The following IL16 variants were observed in gnomAD, a reference collection of about 807,000 sequenced individuals.
IL16 encodes interleukin 16, also known as pro-interleukin-16.
In IL16, 67 loss-of-function variants were observed where a neutral mutation model predicts 110.1. The observed-to-expected ratio is 0.61, with a 90% confidence interval of 0.50 to 0.75. IL16 has a LOEUF of 0.75. IL16 is among the 30% of genes least tolerant of loss of function. The probability of loss-of-function intolerance (pLI) is 0.00; values close to 1 mark genes in which losing one functional copy is unlikely to be tolerated. For synonymous variants in IL16, 689 were observed against 662.9 expected (o/e 1.04, Z -0.61); for missense variants, 1,545 against 1,655.0 (o/e 0.93, Z 1.15).
intron 12 of IL16, among the ~76,000 whole-genome samples, chr15:81,295,918 A>C (rs545715649): frequency 1.3e-5 from 2 of 152,166 alleles, no homozygotes; most frequent in Non-Finnish European, 1.5e-5. Flanking sequence ...AGCCATGTCA[A>C]ATGGCCCATC....
upstream of IL16, among the ~76,000 whole-genome samples, chr15:81,196,527 G>A (rs952161179): frequency 3.9e-5 from 6 of 152,214 alleles, no homozygotes; most frequent in East Asian, 3.8e-4. Flanking sequence ...TTATAGGCAC[G>A]TGCCACAGCT....
intron 4 of IL16, among the ~76,000 whole-genome samples, chr15:81,268,542 C>T (rs1898493812): frequency 6.6e-6 from 1 of 152,270 alleles, no homozygotes; most frequent in Non-Finnish European, 1.5e-5. Flanking sequence ...CAGCATGGGC[C>T]TGGGAGTCAG....
chr15:81,204,471 G>C (rs962940870), intron 1 of IL16, among the ~76,000 whole-genome samples: 22 of 151,966 alleles, frequency 1.4e-4, no homozygotes, highest in Non-Finnish European at 2.5e-4. Context: ...GTCATAGATA[G>C]CTCTTATTAT....
intron 2 of IL16, among the ~76,000 whole-genome samples, chr15:81,232,434 A>G (rs1447384336): frequency 1.3e-5 from 2 of 152,064 alleles, no homozygotes; most frequent in Non-Finnish European, 2.9e-5. Context: ...GGAAAGTTTC[A>G]TTATTATTAT....
chr15:81,232,232 G>C (rs1897032198), intron 2 of IL16, among the ~76,000 whole-genome samples: 1 of 151,782 alleles, frequency 6.6e-6, no homozygotes, highest in Non-Finnish European at 1.5e-5. Flanking sequence ...TTTGATTGGA[G>C]ATTTTTGTTG....
In IL16 at chr15:81,259,773, A is replaced by T; in HGVS notation, c.314A>T (p.Glu105Val). Residue 105 changes from glutamate (E) to valine (V), a missense_variant and splice_region_variant, in exon 3 of 19, where the codon GAA becomes GTA. Around this residue, in one of 3 missense-constraint regions of IL16, gnomAD observed 1,185 missense variants for 1,238.8 expected, o/e 0.96. Coordinates refer to ENST00000683961, the MANE Select transcript of IL16 (RefSeq NM_172217.5). ...KTCRRIFFMK[E>V]SSTASSREKP... ...AAAAAGACGGCAATTGTTTTGCAGG[A>T]ATCTTCCACAGCTTCCTCTCGAGAA... 6.2e-7 allele frequency: 1 copy of T among 1,608,834 alleles called. No individual in the cohort carries two copies. Among genetic ancestry groups the T allele is most frequent in the Non-Finnish European group, 8.5e-7 (1 of 1,175,420 alleles).
intron 13 of IL16, among the ~76,000 whole-genome samples, chr15:81,298,110 C>G (rs3902668): frequency 6.6e-6 from 1 of 152,214 alleles, no homozygotes; most frequent in Non-Finnish European, 1.5e-5. Context: ...CCTGTGGAAC[C>G]TCTGCCTCCT....
At chr15:81,216,965 C>T (rs1415024172) in intron 1 of IL16, among the ~76,000 whole-genome samples, 1 of 151,962 alleles carries the variant, frequency 6.6e-6, no homozygotes, top group Admixed American at 6.6e-5. Flanking sequence ...ACATGATATG[C>T]TATCATTTCT....
intron 1 of IL16, among the ~76,000 whole-genome samples, chr15:81,223,801 C>T (rs764171647): frequency 6.6e-6 from 1 of 152,228 alleles, no homozygotes; most frequent in African/African-American, 2.4e-5. Context: ...TGATACCAAT[C>T]TGTTCAGGAG....
At chr15:81,219,769 C>G (rs1490425416) in intron 1 of IL16, among the ~76,000 whole-genome samples, 1 of 152,108 alleles carries the variant, frequency 6.6e-6, no homozygotes, top group African/African-American at 2.4e-5. Context: ...ATTCTGTGGT[C>G]CTAGCTGAGA....
At chr15:81,231,950 T>G (rs918705609) in intron 2 of IL16, among the ~76,000 whole-genome samples, 36 of 152,056 alleles carry the variant, frequency 2.4e-4, no homozygotes, top group Non-Finnish European at 4.1e-4. Context: ...TATTAGTCTT[T>G]TATTTTTCCT....
intron 5 of IL16, among the ~76,000 whole-genome samples, chr15:81,270,115 T>C (rs1438319801): frequency 6.6e-6 from 1 of 152,260 alleles, no homozygotes; most frequent in East Asian, 1.9e-4. Context: ...TGCTTTTGGC[T>C]GTCAATTGTA....
At chr15:81,195,521 G>T (rs1208043910), upstream of IL16, among the ~76,000 whole-genome samples, 1 of 152,166 alleles carries the variant, frequency 6.6e-6, no homozygotes, top group East Asian at 1.9e-4. Context: ...TGTCCCCTGT[G>T]CCTGCTGACA....
intron 1 of IL16, among the ~76,000 whole-genome samples, chr15:81,211,051 T>C (rs1896221807): frequency 6.6e-6 from 1 of 151,884 alleles, no homozygotes; most frequent in African/African-American, 2.4e-5. Context: ...TTTTTGGGTT[T>C]TTTGTTTGTT....
chr15:81,216,646 T>TAGCAGCAGC (rs6145652), intron 1 of IL16, among the ~76,000 whole-genome samples: 2 of 151,262 alleles, frequency 1.3e-5, no homozygotes, highest in Non-Finnish European at 2.9e-5. Context: ...CTGTCTGTCT[T>TAGCAGCAGC]AGCAGCAGCA....
chr15:81,308,473 ACAAG>A, intron 18 of IL16, 128 bp from the exon 19 acceptor site: 1 of 645,534 alleles, frequency 1.5e-6, no homozygotes, highest in South Asian at 2.1e-5. Flanking sequence ...AGAACCACCA[ACAAG>A]CAAGCTCCCA....
intron 2 of IL16, among the ~76,000 whole-genome samples, chr15:81,231,360 CT>C (rs1896973802): frequency 6.8e-6 from 1 of 146,174 alleles, no homozygotes; most frequent in African/African-American, 2.5e-5. Flanking sequence ...CTCTCTCTCT[CT>C]CTCTCTCTCT....
At chr15:81,268,252 C>T (rs768493776) in intron 4 of IL16, among the ~76,000 whole-genome samples, 9 of 152,206 alleles carry the variant, frequency 5.9e-5, no homozygotes, top group Non-Finnish European at 1.2e-4. Flanking sequence ...AAGAGCAGCT[C>T]GTTATCCAGG....
intron 2 of IL16, among the ~76,000 whole-genome samples, chr15:81,242,677 C>T (rs1897376648): frequency 6.6e-6 from 1 of 151,946 alleles, no homozygotes. Flanking sequence ...AGTTTTATTT[C>T]TTCCTTTCTG....
Sources: gnomAD v4.1 joint callset for allele counts (sites outside exome capture counted in the v4.1 genomes callset) on GRCh38, gnomAD v4.1.1 for gene constraint, gnomAD v4.1.1 regional missense constraint, MANE v1.5 for transcripts, NCBI Gene and HGNC (gene_info 2026-07-23, HGNC 2026-07-21) for gene names.